GPATCH8: variants seen among roughly 807,000 people sequenced by gnomAD.
GPATCH8 encodes G-patch domain containing 8.
In GPATCH8, 18 loss-of-function variants were observed where a neutral mutation model predicts 118.3. The observed-to-expected ratio is 0.15, with a 90% CI of 0.11 to 0.23. The LOEUF (loss-of-function observed/expected upper bound fraction) is 0.23. Among genes scored for constraint, GPATCH8 ranks in the 10% least tolerant of loss-of-function variants. GPATCH8 has a pLI of 1.00. For missense variants in GPATCH8, 1,631 were observed against 1,873.8 expected, an observed-to-expected ratio of 0.87 and a Z score of 2.39; for synonymous variants, 659 against 684.7, an observed-to-expected ratio of 0.96 and a Z score of 0.59.
At position 44,399,683 on chromosome 17, in the gene GPATCH8, T is replaced by A; in HGVS notation, c.2394A>T (p.Arg798Ser). The part of the protein sequence containing the change: ...GELPPSSCQR[R>S]AGTKRSSRSS... ...ACCGGCTGCTCCGTTTGGTGCCTGC[T>A]CTTCGCTGGCAGGATGAAGGTGGAA... is the stretch of plus-strand genomic sequence containing the variant. The change falls in exon 8 of 8, where the codon AGA becomes AGT. Residue 798 changes from arginine to serine, a missense_variant. Coordinates refer to ENST00000591680, the MANE Select transcript of GPATCH8 (RefSeq NM_001002909.4). 1.2e-6 allele frequency: 2 copies of A among 1,614,054 alleles called. No individual in the cohort carries two copies. The highest frequency in any genetic ancestry group is 1.7e-6 in the Non-Finnish European group (2 of 1,179,912).
chr17:44,453,870 C>T (rs2051227344), intron 3 of GPATCH8, among the ~76,000 whole-genome samples: 1 of 151,838 alleles, frequency 6.6e-6, no homozygotes, highest in African/African-American at 2.4e-5. Flanking sequence ...AGACCTAGAA[C>T]TCTGCTTCAA....
chr17:44,483,176 A>AAAAAATAT (rs1555646771), intron 1 of GPATCH8, among the ~76,000 whole-genome samples: 1 of 12,950 alleles, frequency 7.7e-5, no homozygotes, highest in Non-Finnish European at 1.4e-4. Context: ...AAAAAAAAAA[A>AAAAAATAT]ATATATATAT....
chr17:44,436,029 CAAAAAA>C (rs1157048818), intron 4 of GPATCH8, among the ~76,000 whole-genome samples: 12 of 41,828 alleles, frequency 2.9e-4, no homozygotes, highest in South Asian at 1.9e-3. Context: ...AACTCCATCT[CAAAAAA>C]AAAAAAAAAA....
chr17:44,495,894 G>A (rs1969633753), intron 1 of GPATCH8, among the ~76,000 whole-genome samples: 1 of 152,138 alleles, frequency 6.6e-6, no homozygotes, highest in South Asian at 2.1e-4. Context: ...TTGAGATGGA[G>A]TCTCACTCTG....
intron 3 of GPATCH8, among the ~76,000 whole-genome samples, chr17:44,462,315 C>A (rs1399193521): frequency 6.6e-6 from 1 of 152,144 alleles, no homozygotes; most frequent in Non-Finnish European, 1.5e-5. Flanking sequence ...AGTCTTCTGA[C>A]CTTCTTCTAA....
chr17:44,478,248 A>G (rs1313583696), intron 1 of GPATCH8, among the ~76,000 whole-genome samples: 3 of 152,252 alleles, frequency 2.0e-5, no homozygotes, highest in Non-Finnish European at 4.4e-5. Flanking sequence ...AAATTACTAA[A>G]TAATAAATAT....
At chr17:44,468,690 A>G (rs765449149) in intron 2 of GPATCH8, among the ~76,000 whole-genome samples, 9 of 152,124 alleles carry the variant, frequency 5.9e-5, no homozygotes, top group Non-Finnish European at 1.0e-4. Context: ...GTTTAATTAT[A>G]ATCTCATAGA....
At chr17:44,422,479 C>T (rs1292968637) in intron 6 of GPATCH8, among the ~76,000 whole-genome samples, 1 of 151,798 alleles carries the variant, frequency 6.6e-6, no homozygotes, top group Non-Finnish European at 1.5e-5. Flanking sequence ...TGCGAGCCAC[C>T]GTGCCTAGCC....
chr17:44,440,211 A>C (rs767045532), intron 3 of GPATCH8, among the ~76,000 whole-genome samples: 50 of 152,314 alleles, frequency 3.3e-4, no homozygotes, highest in Non-Finnish European at 6.0e-4. Context: ...AAAGGAAGCA[A>C]CTTCAACCAG....
At chr17:44,501,202 G>C (rs537022952) in intron 1 of GPATCH8, among the ~76,000 whole-genome samples, 2 of 152,090 alleles carry the variant, frequency 1.3e-5, no homozygotes, top group East Asian at 3.9e-4. Context: ...GGCGGATCAC[G>C]AGTCAGGAGT....
intron 2 of GPATCH8, among the ~76,000 whole-genome samples, chr17:44,470,901 T>C (rs550300603): frequency 5.3e-5 from 8 of 152,358 alleles, no homozygotes; most frequent in African/African-American, 1.9e-4. Context: ...GACGGAGCTA[T>C]GGCTTTAGAT....
intron 3 of GPATCH8, among the ~76,000 whole-genome samples, chr17:44,447,984 C>T (rs147401321): frequency 6.6e-6 from 1 of 152,072 alleles, no homozygotes; most frequent in African/African-American, 2.4e-5. Context: ...CACTCTGTTG[C>T]CCCAGCTGGA....
chr17:44,446,156 C>A (rs899216929), intron 3 of GPATCH8, among the ~76,000 whole-genome samples: 2 of 151,620 alleles, frequency 1.3e-5, no homozygotes, highest in African/African-American at 4.8e-5. Flanking sequence ...CACTATGTTG[C>A]CCAGGCTGGT....
intron 6 of GPATCH8, among the ~76,000 whole-genome samples, chr17:44,410,763 C>G (rs2049399618): frequency 6.6e-6 from 1 of 152,150 alleles, no homozygotes; most frequent in African/African-American, 2.4e-5. Context: ...ATGGAAGGAA[C>G]ATTTCCCACA....
chr17:44,422,879 A>G (rs1460255708), intron 6 of GPATCH8, among the ~76,000 whole-genome samples: 3 of 152,148 alleles, frequency 2.0e-5, no homozygotes, highest in African/African-American at 7.2e-5. Flanking sequence ...CCAGTCTTTG[A>G]AAGAGTAAAA....
chr17:44,486,230 A>T (rs1968771229), intron 1 of GPATCH8: 1 of 152,024 alleles, frequency 6.6e-6, no homozygotes, highest in African/African-American at 2.4e-5. Flanking sequence ...GCTCTTGCCC[A>T]TTCCCCTTTC....
intron 7 of GPATCH8, among the ~76,000 whole-genome samples, chr17:44,402,561 A>C (rs2049067263): frequency 6.6e-6 from 1 of 152,030 alleles, no homozygotes; most frequent in African/African-American, 2.4e-5. Flanking sequence ...AGGAGGGAGG[A>C]TTGCTCGAGG....
chr17:44,402,584 G>C (rs7211834), intron 7 of GPATCH8, among the ~76,000 whole-genome samples: 68 of 152,176 alleles, frequency 4.5e-4, no homozygotes, highest in African/African-American at 1.5e-3. Context: ...AGGAGATCAA[G>C]ACCAGTCTGG....
intron 5 of GPATCH8, among the ~76,000 whole-genome samples, chr17:44,433,002 T>C (rs1317099887): frequency 1.3e-5 from 2 of 152,048 alleles, no homozygotes; most frequent in Non-Finnish European, 2.9e-5. Flanking sequence ...CACCAACACC[T>C]AGCTATTTTT....
Sources: allele counts gnomAD v4.1 joint callset (sites outside exome capture counted in the v4.1 genomes callset), GRCh38; gene constraint gnomAD v4.1.1; transcripts MANE v1.5; gene names NCBI Gene and HGNC (gene_info 2026-07-23, HGNC 2026-07-21).